Variants in ZFHX4 observed in about 807,000 individuals in gnomAD.
ZFHX4 encodes zinc finger homeobox protein 4.
ZFHX4 carries 56 observed loss-of-function variants against 267.6 expected under a neutral mutation model. The observed-to-expected ratio is 0.21, with a 90% confidence interval of 0.17 to 0.26. The LOEUF is 0.26. Among genes scored for constraint, ZFHX4 ranks in the 10% least tolerant of loss-of-function variants. ZFHX4 has a pLI of 1.00. For synonymous variants in ZFHX4, 1,778 were observed against 1,665.6 expected, an observed-to-expected ratio of 1.07 and a Z score of -1.64; for missense variants, 4,332 against 4,420.0, an observed-to-expected ratio of 0.98 and a Z score of 0.56.
chr8:76,835,429 A>G (rs1365444860), intron 5 of ZFHX4, among the ~76,000 whole-genome samples: 1 of 151,630 alleles, frequency 6.6e-6, no homozygotes, highest in Non-Finnish European at 1.5e-5. Flanking sequence ...CAGCTGGAAT[A>G]ATAACCTGCT....
intron 4 of ZFHX4, among the ~76,000 whole-genome samples, chr8:76,823,695 T>C (rs1023033110): frequency 6.6e-6 from 1 of 152,198 alleles, no homozygotes; most frequent in Non-Finnish European, 1.5e-5. Context: ...ACATAGAATT[T>C]AGGAAACTTT....
At chr8:76,774,063 A>T (rs900518684) in intron 3 of ZFHX4, among the ~76,000 whole-genome samples, 1 of 152,104 alleles carries the variant, frequency 6.6e-6, no homozygotes, top group South Asian at 2.1e-4. Context: ...CTCTAGTCCA[A>T]ATTCTGGACC....
intron 6 of ZFHX4, among the ~76,000 whole-genome samples, chr8:76,844,984 A>G (rs1411933508): frequency 6.6e-6 from 1 of 152,074 alleles, no homozygotes; most frequent in Non-Finnish European, 1.5e-5. Context: ...TTTTCTCTAT[A>G]TGTGTCATAA....
chr8:76,739,521 T>C (rs928320079), intron 3 of ZFHX4, among the ~76,000 whole-genome samples: 2 of 152,134 alleles, frequency 1.3e-5, no homozygotes, highest in Non-Finnish European at 2.9e-5. Context: ...GGATATCTAG[T>C]GGGGCAGGCA....
At position 76,705,594 on chromosome 8, in the gene ZFHX4, C is replaced by A. The variant is rs777289309; in HGVS notation, c.1506C>A (p.Leu502=). 1 of 1,613,778 alleles carries A rather than the reference C, an allele frequency of 6.2e-7. No individual in the cohort carries two copies. The highest frequency in any genetic ancestry group is 8.5e-7 in the Non-Finnish European group (1 of 1,179,766). ...GTATTGGTAACAAAGATTTCCCTCT[C>A]TTAAACCAAAGCATTTCTCCTTTAT... The part of the protein sequence containing the change: ...TDSIGNKDFP[L]LNQSISPLSS... The change falls in exon 2 of 11, where the codon CTC becomes CTA. Residue 502 remains leucine, a synonymous_variant. Transcript: ENST00000651372.
At chr8:76,830,301 A>G (rs779267026) in intron 4 of ZFHX4, among the ~76,000 whole-genome samples, 11 of 152,222 alleles carry the variant, frequency 7.2e-5, no homozygotes, top group Non-Finnish European at 1.6e-4. Context: ...GACAGGATAG[A>G]GTAGAATACT....
At chr8:76,860,925 T>C (rs1812849180) in intron 10 of ZFHX4, among the ~76,000 whole-genome samples, 1 of 152,106 alleles carries the variant, frequency 6.6e-6, no homozygotes, top group African/African-American at 2.4e-5. Flanking sequence ...AACAGGCAAG[T>C]GGAAACGCAA....
intron 3 of ZFHX4, among the ~76,000 whole-genome samples, chr8:76,722,125 G>A (rs560854005): frequency 6.6e-6 from 1 of 152,140 alleles, no homozygotes; most frequent in African/African-American, 2.4e-5. Flanking sequence ...TCATGTGGCT[G>A]ATTGACATGG....
chr8:76,687,717 G>A (rs1476243732), intron 1 of ZFHX4, among the ~76,000 whole-genome samples: 1 of 152,134 alleles, frequency 6.6e-6, no homozygotes, highest in African/African-American at 2.4e-5. Context: ...AAAAAGATAG[G>A]AAAAGAAAAG....
chr8:76,703,654 C>A (rs1316242710), intron 1 of ZFHX4: 1 of 157,034 alleles, frequency 6.4e-6, no homozygotes, highest in Non-Finnish European at 1.4e-5. Flanking sequence ...TTCTGTTGTT[C>A]TTTCATTCCA....
At chr8:76,730,700 AAAAAT>A (rs2131660999) in intron 3 of ZFHX4, among the ~76,000 whole-genome samples, 1 of 152,206 alleles carries the variant, frequency 6.6e-6, no homozygotes, top group East Asian at 1.9e-4. Flanking sequence ...CTCCATCTGA[AAAAAT>A]AAATAAATAA....
intron 3 of ZFHX4, among the ~76,000 whole-genome samples, chr8:76,716,095 A>C (rs540030525): frequency 6.6e-6 from 1 of 152,184 alleles, no homozygotes; most frequent in Admixed American, 6.5e-5. Flanking sequence ...AGTTAACTCC[A>C]GTTTGGGAGG....
At chr8:76,809,735 C>T (rs1038019861) in intron 4 of ZFHX4, among the ~76,000 whole-genome samples, 2 of 151,788 alleles carry the variant, frequency 1.3e-5, no homozygotes, top group Non-Finnish European at 2.9e-5. Flanking sequence ...TGTAAAAATA[C>T]CATTAATAAA....
chr8:76,705,094 C>G lies in ZFHX4; in HGVS notation c.1006C>G (p.Leu336Val). The G allele has an allele frequency of 1.2e-6, 2 of 1,613,728 alleles. No homozygotes were observed. Among genetic ancestry groups the G allele is most frequent in the Non-Finnish European group, 1.7e-6 (2 of 1,179,834 alleles). Reference sequence around the variant, plus strand: ...AGACAAAGAACCTCTTATAAGCTTTCTGGAACCAAAAAAATCCACTTCTGT... The same window carrying G: ...AGACAAAGAACCTCTTATAAGCTTTGTGGAACCAAAAAAATCCACTTCTGT... ...GKDKEPLISF[L>V]EPKKSTSVYP... The change falls in exon 2 of 11, where the codon CTG becomes GTG. Residue 336 changes from leucine to valine, a missense_variant. Coordinates refer to ENST00000651372, the MANE Select transcript of ZFHX4 (RefSeq NM_024721.5).
chr8:76,761,367 A>G (rs751815198), intron 3 of ZFHX4, among the ~76,000 whole-genome samples: 4 of 152,208 alleles, frequency 2.6e-5, no homozygotes, highest in Non-Finnish European at 5.9e-5. Context: ...AACTGTGTTT[A>G]TTTATCCTTG....
intron 4 of ZFHX4, among the ~76,000 whole-genome samples, chr8:76,783,046 T>C (rs766789934): frequency 2.2e-4 from 33 of 152,016 alleles, no homozygotes; most frequent in Non-Finnish European, 3.2e-4. Context: ...ATTCCTACCA[T>C]TGTTTACCAG....
chr8:76,748,041 C>T (rs73231789), intron 3 of ZFHX4, among the ~76,000 whole-genome samples: 2,596 of 152,260 alleles, frequency 0.017, 80 homozygotes, highest in African/African-American at 0.057. Context: ...AACATTCTGT[C>T]TTTGATTTTA....
At chr8:76,815,999 C>T (rs1811497211) in intron 4 of ZFHX4, among the ~76,000 whole-genome samples, 2 of 152,132 alleles carry the variant, frequency 1.3e-5, no homozygotes, top group Non-Finnish European at 2.9e-5. Flanking sequence ...GTTGCTAGTA[C>T]CTGTAATTTG....
At chr8:76,757,956 G>A (rs946644457) in intron 3 of ZFHX4, among the ~76,000 whole-genome samples, 2 of 152,148 alleles carry the variant, frequency 1.3e-5, no homozygotes, top group African/African-American at 4.8e-5. Context: ...TAGATTCTGA[G>A]CGCAGATACC....
Sources: allele counts gnomAD v4.1 joint callset (sites outside exome capture counted in the v4.1 genomes callset), GRCh38; gene constraint gnomAD v4.1.1; transcripts MANE v1.5; gene names NCBI Gene and HGNC (gene_info 2026-07-23, HGNC 2026-07-21).